TFDP2: variants seen among roughly 807,000 people sequenced by gnomAD.
TFDP2 encodes the protein transcription factor Dp-2.
TFDP2 carries 17 observed loss-of-function variants against 59.3 expected under a neutral mutation model. That is an observed-to-expected ratio of 0.29 (90% CI 0.20 to 0.43). The LOEUF is 0.43. TFDP2 is among the 20% of genes least tolerant of loss of function. The pLI is 1.00. For missense variants in TFDP2, 391 were observed against 528.8 expected, an observed-to-expected ratio of 0.74 and a Z score of 2.56; for synonymous variants, 180 against 194.7, an observed-to-expected ratio of 0.92 and a Z score of 0.63.
chr3:142,102,613 C>T (rs1387282845), intron 1 of TFDP2, among the ~76,000 whole-genome samples: 2 of 152,068 alleles, frequency 1.3e-5, no homozygotes, highest in Admixed American at 6.5e-5. Flanking sequence ...ATTTCCATAG[C>T]GTTGAAATAT....
chr3:142,039,279 T>G (rs1185599773), intron 3 of TFDP2, among the ~76,000 whole-genome samples: 1 of 152,254 alleles, frequency 6.6e-6, no homozygotes, highest in African/African-American at 2.4e-5. Flanking sequence ...TATTTATTTT[T>G]TTATTTGTAT....
At chr3:142,102,411 T>TA (rs1225210232) in intron 1 of TFDP2, among the ~76,000 whole-genome samples, 1 of 151,812 alleles carries the variant, frequency 6.6e-6, no homozygotes, top group Non-Finnish European at 1.5e-5. Context: ...ACCCATTGAA[T>TA]AAAATAATAA....
chr3:142,065,580 C>T (rs6768243), intron 3 of TFDP2, among the ~76,000 whole-genome samples: 26,910 of 151,730 alleles, frequency 0.18, 2,608 homozygotes, highest in Middle Eastern at 0.23. Flanking sequence ...GGCGCAATCT[C>T]GGCTCACTGC....
intron 1 of TFDP2, among the ~76,000 whole-genome samples, chr3:142,106,116 T>TAA (rs766367361): frequency 9.6e-5 from 14 of 145,622 alleles, no homozygotes; most frequent in Admixed American, 2.1e-4. Flanking sequence ...TAATTGTGGT[T>TAA]AAAAAAAAAA....
intron 3 of TFDP2, among the ~76,000 whole-genome samples, chr3:142,073,900 A>G (rs1219154307): frequency 6.6e-6 from 1 of 152,220 alleles, no homozygotes; most frequent in Admixed American, 6.5e-5. Context: ...TGCAATCTCC[A>G]TCAAAATGTT....
chr3:141,979,807 C>T (rs748604512), intron 6 of TFDP2, among the ~76,000 whole-genome samples: 4 of 151,928 alleles, frequency 2.6e-5, no homozygotes, highest in Non-Finnish European at 5.9e-5. Flanking sequence ...CAGGCTGTTC[C>T]AGAACTCCTG....
chr3:142,098,565 G>A (rs1002898836), intron 2 of TFDP2, among the ~76,000 whole-genome samples: 3 of 151,972 alleles, frequency 2.0e-5, no homozygotes, highest in African/African-American at 7.3e-5. Context: ...TCTCCACGGA[G>A]TTTAAGCAAG....
intron 3 of TFDP2, among the ~76,000 whole-genome samples, chr3:142,048,417 GAAA>G (rs781139541): frequency 7.5e-6 from 1 of 133,324 alleles, no homozygotes. Context: ...TGTCTTAAGG[GAAA>G]AAAAAAAAAA....
chr3:141,993,403 T>A (rs1343033769), intron 6 of TFDP2, 135 bp downstream of exon 6: 1 of 537,912 alleles, frequency 1.9e-6, no homozygotes, highest in Non-Finnish European at 3.3e-6. Context: ...CAATGCAGAA[T>A]GAAATAATGG....
At chr3:142,036,587 T>C (rs1020993179) in intron 3 of TFDP2, among the ~76,000 whole-genome samples, 4 of 152,160 alleles carry the variant, frequency 2.6e-5, no homozygotes, top group Admixed American at 6.6e-5. Context: ...GAAGACCACA[T>C]AGTAGACAGC....
At chr3:142,127,131 G>A (rs2062296475) in intron 1 of TFDP2, among the ~76,000 whole-genome samples, 1 of 147,236 alleles carries the variant, frequency 6.8e-6, no homozygotes, top group African/African-American at 2.5e-5. Context: ...TATATCCCTA[G>A]AGACATACAG....
At chr3:141,995,201 G>GA in intron 4 of TFDP2, 60 bp from the exon 5 acceptor site, 2 of 1,382,602 alleles carry the variant, frequency 1.4e-6, no homozygotes, top group Non-Finnish European at 9.6e-7. Flanking sequence ...CCTACAGGCA[G>GA]AAAATAACAT....
intron 3 of TFDP2, among the ~76,000 whole-genome samples, chr3:142,087,690 T>C (rs347683): frequency 0.89 from 135,460 of 151,912 alleles, 60,635 homozygotes; most frequent in African/African-American, 0.98. Context: ...TTTGTAGAGG[T>C]GGGGTTTTGC....
Position 141,963,812 on chromosome 3 carries a change from T to C in TFDP2, c.884A>G (p.Lys295Arg). Residue 295 changes from lysine to arginine, a missense_variant and splice_region_variant, in exon 10 of 13, where the codon AAG becomes AGG. Lys to Arg is a conservative substitution (Grantham distance 26). Transcript: ENST00000489671. ...CACCCATCCCTAGTTCTCCACTCAC[T>C]TGTCACTGGAGATGCTGCAATCTAT... ...TVIDCSISSD[K>R]FEYLFNFDNT... 6.2e-7 allele frequency: 1 copy of C among 1,611,610 alleles called. No individual in the cohort carries two copies. The highest frequency in any genetic ancestry group is 8.5e-7 in the Non-Finnish European group (1 of 1,179,160).
intron 6 of TFDP2, among the ~76,000 whole-genome samples, chr3:141,990,179 C>T (rs1181907253): frequency 2.6e-5 from 4 of 152,184 alleles, no homozygotes; most frequent in Non-Finnish European, 4.4e-5. Context: ...CAGGCGTGAG[C>T]CACCATGCCC....
chr3:141,971,026 C>A (rs2107998055), intron 8 of TFDP2, among the ~76,000 whole-genome samples: 1 of 151,522 alleles, frequency 6.6e-6, no homozygotes, highest in African/African-American at 2.4e-5. Flanking sequence ...CCACTGCACT[C>A]CAGCCTGGAC....
chr3:141,969,732 C>G (rs1939421936), intron 9 of TFDP2, among the ~76,000 whole-genome samples: 1 of 152,170 alleles, frequency 6.6e-6, no homozygotes, highest in Non-Finnish European at 1.5e-5. Flanking sequence ...ATTTAACTAG[C>G]TTCACTAGTG....
chr3:142,115,885 C>G (rs73233898), intron 1 of TFDP2, among the ~76,000 whole-genome samples: 1 of 151,904 alleles, frequency 6.6e-6, no homozygotes, highest in Non-Finnish European at 1.5e-5. Flanking sequence ...CAAAGACACA[C>G]CAAAAAATGG....
intron 3 of TFDP2, among the ~76,000 whole-genome samples, chr3:142,066,451 A>C (rs2060076975): frequency 6.6e-6 from 1 of 152,222 alleles, no homozygotes; most frequent in South Asian, 2.1e-4. Context: ...TACTTACATT[A>C]GCCTACAATT....
Sources: gnomAD v4.1 joint callset for allele counts (sites outside exome capture counted in the v4.1 genomes callset) on GRCh38, gnomAD v4.1.1 for gene constraint, MANE v1.5 for transcripts, NCBI Gene and HGNC (gene_info 2026-07-23, HGNC 2026-07-21) for gene names.